ALG9: variants seen among roughly 807,000 people sequenced by gnomAD.
The protein encoded by ALG9 is alpha-1,2-mannosyltransferase ALG9.
A neutral mutation model predicts 81.8 loss-of-function variants in ALG9; 55 were observed. The ratio of observed to expected loss-of-function variants is 0.67; its 90% CI spans 0.54 to 0.84. The LOEUF is 0.84. ALG9 is among the 40% of genes least tolerant of loss of function. The pLI is 0.00. For missense variants in ALG9, 629 were observed against 745.0 expected, an observed-to-expected ratio of 0.84 and a Z score of 1.81; for synonymous variants, 278 against 274.3, an observed-to-expected ratio of 1.01 and a Z score of -0.13.
chr11:111,846,402 CA>C (rs1956954988), intron 8 of ALG9, among the ~76,000 whole-genome samples: 1 of 152,204 alleles, frequency 6.6e-6, no homozygotes, highest in African/African-American at 2.4e-5. Context: ...TTTGCAAATA[CA>C]GACTGTTTTT....
At chr11:111,832,407 T>C (rs1393910528) in intron 13 of ALG9, among the ~76,000 whole-genome samples, 5 of 152,014 alleles carry the variant, frequency 3.3e-5, no homozygotes, top group African/African-American at 7.2e-5. Flanking sequence ...CTTTGAGTAG[T>C]TAGGACTACA....
At chr11:111,857,802 TAA>T in intron 5 of ALG9, 65 bp from the exon 6 acceptor site, 9 of 1,582,572 alleles carry the variant, frequency 5.7e-6, no homozygotes, top group Non-Finnish European at 1.7e-6. Flanking sequence ...AGGTATCAAT[TAA>T]AAACTGATTA....
intron 6 of ALG9, among the ~76,000 whole-genome samples, chr11:111,855,033 G>A (rs1335938053): frequency 6.6e-6 from 1 of 152,194 alleles, no homozygotes; most frequent in Non-Finnish European, 1.5e-5. Flanking sequence ...TGAAAGGAAT[G>A]GAAGAACTGA....
chr11:111,788,265 C>A (rs1946769657), intron 14 of ALG9, among the ~76,000 whole-genome samples: 1 of 152,190 alleles, frequency 6.6e-6, no homozygotes. Flanking sequence ...GCATGCACAC[C>A]TCTTAGAGAT....
chr11:111,772,993 C>T, the ALG9 span, among the ~76,000 whole-genome samples: 2 of 152,104 alleles, frequency 1.3e-5, no homozygotes, highest in African/African-American at 2.4e-5. Flanking sequence ...AATCTCAGCA[C>T]TCTGGGAGGC....
At chr11:111,795,700 T>A (rs1948170785) in intron 14 of ALG9, among the ~76,000 whole-genome samples, 1 of 152,204 alleles carries the variant, frequency 6.6e-6, no homozygotes, top group African/African-American at 2.4e-5. Flanking sequence ...AATCGTGGCA[T>A]CGTGAGACTG....
At chr11:111,856,859 C>A (rs959103484) in intron 6 of ALG9, among the ~76,000 whole-genome samples, 1 of 152,118 alleles carries the variant, frequency 6.6e-6, no homozygotes, top group Non-Finnish European at 1.5e-5. Flanking sequence ...GTAATCCCAG[C>A]ACTTTGTGAG....
chr11:111,865,367 G>C, intron 3 of ALG9, 116 bp from the exon 4 acceptor site: 1 of 777,000 alleles, frequency 1.3e-6, no homozygotes, highest in South Asian at 1.8e-5. Flanking sequence ...TAATTCTTTT[G>C]AAAAGCAACA....
intron 4 of ALG9, among the ~76,000 whole-genome samples, chr11:111,861,813 G>A (rs1960260788): frequency 6.6e-6 from 1 of 150,876 alleles, no homozygotes; most frequent in African/African-American, 2.4e-5. Flanking sequence ...TGAAAAGTCT[G>A]TATTTAGCTC....
At chr11:111,807,423 A>C (rs1555086217) in intron 14 of ALG9, among the ~76,000 whole-genome samples, 1 of 152,120 alleles carries the variant, frequency 6.6e-6, no homozygotes, top group African/African-American at 2.4e-5. Context: ...CTTTGTTTGA[A>C]TATCATCTTT....
intron 8 of ALG9, among the ~76,000 whole-genome samples, chr11:111,850,946 T>C (rs1555137408): frequency 6.6e-6 from 1 of 152,068 alleles, no homozygotes; most frequent in African/African-American, 2.4e-5. Flanking sequence ...GAACTGAAGC[T>C]ATCTCAGGTT....
intron 5 of ALG9, among the ~76,000 whole-genome samples, chr11:111,859,095 A>C: frequency 6.6e-6 from 1 of 152,158 alleles, no homozygotes; most frequent in East Asian, 1.9e-4. Context: ...AGTCCTAGCT[A>C]CTTGGGAGGC....
intron 6 of ALG9, among the ~76,000 whole-genome samples, chr11:111,856,625 C>CT (rs148667520): frequency 0.013 from 1,802 of 137,144 alleles, 24 homozygotes; most frequent in African/African-American, 0.04. Context: ...CTGGTACTTA[C>CT]TTTTTTTTTT....
chr11:111,790,242 G>C (rs1947197375), intron 14 of ALG9, among the ~76,000 whole-genome samples: 1 of 152,048 alleles, frequency 6.6e-6, no homozygotes, highest in Non-Finnish European at 1.5e-5. Flanking sequence ...TGAGGCAGGA[G>C]AATTGAACTT....
chr11:111,776,986 T>C, the ALG9 span, among the ~76,000 whole-genome samples: 1 of 152,256 alleles, frequency 6.6e-6, no homozygotes, highest in African/African-American at 2.4e-5. Context: ...GGACAGAACC[T>C]TGGACTTTGA....
At chr11:111,839,600 AAG>A (rs1491532808) in intron 10 of ALG9, among the ~76,000 whole-genome samples, 34 of 125,844 alleles carry the variant, frequency 2.7e-4, no homozygotes, top group Middle Eastern at 4.0e-3. Flanking sequence ...AAAAAAAAAA[AAG>A]GGGGGGGGGG....
At chr11:111,868,813 GA>G in intron 2 of ALG9, 77 bp from the exon 3 acceptor site, 1 of 1,421,356 alleles carries the variant, frequency 7.0e-7, no homozygotes, top group Non-Finnish European at 9.4e-7. Flanking sequence ...TGAAGTTTCT[GA>G]GCAGAAATAT....
chr11:111,790,435 C>T (rs1555069410), intron 14 of ALG9, among the ~76,000 whole-genome samples: 1 of 152,062 alleles, frequency 6.6e-6, no homozygotes, highest in Non-Finnish European at 1.5e-5. Flanking sequence ...TCAAGGGCAA[C>T]CTGGGCAAAC....
At chr11:111,804,223 G>A (rs1302555542) in intron 14 of ALG9, among the ~76,000 whole-genome samples, 3 of 151,690 alleles carry the variant, frequency 2.0e-5, no homozygotes, top group East Asian at 1.9e-4. Context: ...AAATGAACTC[G>A]GGTTTGGCAA....
Sources: allele counts gnomAD v4.1 joint callset (sites outside exome capture counted in the v4.1 genomes callset), GRCh38; gene constraint gnomAD v4.1.1; transcripts MANE v1.5; gene names NCBI Gene and HGNC (gene_info 2026-07-23, HGNC 2026-07-21).